Variants in PHF21A observed in about 807,000 individuals in gnomAD.
The protein encoded by PHF21A is PHD finger protein 21A, also known as BHC80a.
Under a neutral mutation model 82.5 loss-of-function variants are expected in PHF21A, and 11 were observed. The observed-to-expected ratio is 0.13, with a 90% confidence interval of 0.08 to 0.22. The LOEUF is 0.22. Among genes scored for constraint, PHF21A ranks in the 10% least tolerant of loss-of-function variants. The pLI is 1.00. For synonymous variants in PHF21A, 297 were observed against 302.8 expected (o/e 0.98, Z 0.20); for missense variants, 579 against 837.8 (o/e 0.69, Z 3.81).
intron 6 of PHF21A, among the ~76,000 whole-genome samples, chr11:45,991,557 TAC>T (rs200504325): frequency 4.0e-5 from 6 of 151,658 alleles, no homozygotes; most frequent in Non-Finnish European, 8.8e-5. Flanking sequence ...AGTAAGCTTA[TAC>T]ACACACACAC....
intron 6 of PHF21A, among the ~76,000 whole-genome samples, chr11:45,986,925 A>C (rs1379736969): frequency 1.3e-5 from 2 of 152,190 alleles, no homozygotes. Flanking sequence ...CCAAAAAGAA[A>C]GTACAATATC....
intron 6 of PHF21A, among the ~76,000 whole-genome samples, chr11:46,075,325 C>T (rs2096712725): frequency 6.6e-6 from 1 of 152,194 alleles, no homozygotes; most frequent in Non-Finnish European, 1.5e-5. Flanking sequence ...CCCCCAACCC[C>T]TACTCCACTA....
At chr11:46,076,010 T>C (rs1308639922) in intron 6 of PHF21A, among the ~76,000 whole-genome samples, 1 of 152,232 alleles carries the variant, frequency 6.6e-6, no homozygotes, top group Non-Finnish European at 1.5e-5. Context: ...CCACTCTTTC[T>C]AACCAGAGGG....
chr11:45,953,473 G>A, intron 11 of PHF21A, 54 bp downstream of exon 11: 2 of 1,089,706 alleles, frequency 1.8e-6, no homozygotes, highest in Non-Finnish European at 2.8e-6. Flanking sequence ...CCTGGTACAT[G>A]AGAATAAACC....
At chr11:46,001,703 T>TA (rs2095137272) in intron 6 of PHF21A, among the ~76,000 whole-genome samples, 1 of 152,328 alleles carries the variant, frequency 6.6e-6, no homozygotes, top group East Asian at 1.9e-4. Context: ...AGTTAACTGG[T>TA]ATGATAGGCC....
intron 6 of PHF21A, among the ~76,000 whole-genome samples, chr11:46,071,343 G>C (rs980268809): frequency 7.2e-5 from 11 of 152,292 alleles, no homozygotes; most frequent in Admixed American, 2.0e-4. Context: ...AGCCTGAAAG[G>C]CAAGTTCAGC....
At chr11:45,967,462 A>G (rs2135982768) in intron 9 of PHF21A, among the ~76,000 whole-genome samples, 1 of 152,128 alleles carries the variant, frequency 6.6e-6, no homozygotes, top group Middle Eastern at 3.4e-3. Flanking sequence ...GGTGACTCTC[A>G]TAACTTGGGC....
At chr11:46,036,827 AAAT>A (rs1360604121) in intron 6 of PHF21A, among the ~76,000 whole-genome samples, 1 of 152,190 alleles carries the variant, frequency 6.6e-6, no homozygotes, top group Admixed American at 6.5e-5. Flanking sequence ...GGTCATCTGC[AAAT>A]AATGATGATA....
chr11:46,114,100 C>A (rs2097258004), intron 1 of PHF21A, among the ~76,000 whole-genome samples: 1 of 150,348 alleles, frequency 6.7e-6, no homozygotes, highest in African/African-American at 2.4e-5. Flanking sequence ...CACACACACA[C>A]ACACGCACAC....
At chr11:46,029,641 T>A (rs1333082786) in intron 6 of PHF21A, among the ~76,000 whole-genome samples, 1 of 149,776 alleles carries the variant, frequency 6.7e-6, no homozygotes, top group Admixed American at 6.7e-5. Context: ...TGAGCCAAGA[T>A]CGTGCCACTG....
Position 45,971,257 on chromosome 11 carries a change from A to T in PHF21A, c.471T>A (p.Ala157=). The T allele has an allele frequency of 6.2e-7, 1 of 1,614,182 alleles. No homozygotes were observed. The highest frequency in any genetic ancestry group is 8.5e-7 in the Non-Finnish European group (1 of 1,180,034). Residue 157 remains alanine (A), a synonymous_variant, in exon 8 of 19, where the codon GCT becomes GCA. Transcript: ENST00000676320. ...ASVVGQRPTI[A]MVTAINSQKA... is the part of the protein sequence containing the mutation. Reference sequence around the variant, plus strand: ...TCTGACTGTTGATGGCGGTCACCATAGCAATGGTAGGTCTCTGGCCCACCA... The same window carrying T: ...TCTGACTGTTGATGGCGGTCACCATTGCAATGGTAGGTCTCTGGCCCACCA...
intron 6 of PHF21A, among the ~76,000 whole-genome samples, chr11:46,015,842 T>C (rs1466635168): frequency 6.6e-6 from 1 of 152,154 alleles, no homozygotes; most frequent in Non-Finnish European, 1.5e-5. Flanking sequence ...AACAATGCCT[T>C]CGTCTGAAAT....
At chr11:46,076,131 T>C (rs572064145) in intron 6 of PHF21A, among the ~76,000 whole-genome samples, 16 of 152,350 alleles carry the variant, frequency 1.1e-4, no homozygotes, top group African/African-American at 3.4e-4. Flanking sequence ...ACTGCCTGAA[T>C]TGGTAAAGTG....
intron 6 of PHF21A, among the ~76,000 whole-genome samples, chr11:46,023,041 G>A (rs10838542): frequency 0.11 from 17,249 of 152,168 alleles, 2,119 homozygotes; most frequent in East Asian, 0.6. Flanking sequence ...ATGAGCCACC[G>A]CGCCCGGCCT....
chr11:46,062,092 GT>G (rs557908783), intron 6 of PHF21A, among the ~76,000 whole-genome samples: 64 of 144,198 alleles, frequency 4.4e-4, no homozygotes, highest in South Asian at 1.3e-3. Context: ...TTTTTGTTTT[GT>G]TTTTTTTTTT....
At chr11:45,958,396 C>A (rs1476953051) in intron 10 of PHF21A, among the ~76,000 whole-genome samples, 8 of 1,066 alleles carry the variant, frequency 7.5e-3, no homozygotes, top group East Asian at 0.11. Flanking sequence ...AACCTGGTCT[C>A]AAAAAAAAAA....
intron 6 of PHF21A, among the ~76,000 whole-genome samples, chr11:46,043,866 G>C (rs1465575267): frequency 1.3e-5 from 2 of 152,140 alleles, no homozygotes; most frequent in Non-Finnish European, 2.9e-5. Context: ...TTTCAGACTT[G>C]AAGTTCCACA....
rs1348962355 is a variant in PHF21A, at chr11:46,108,833, T to C, written c.-237+12102A>G. Among the ~76,000 whole-genome samples, 6 of 152,292 alleles carry C rather than the reference T, an allele frequency of 3.9e-5. No homozygotes were observed. In the East Asian group the frequency reaches 1.2e-3, roughly 29 times the overall value. ...AAAAAAGTATTAAACTAACTTACAC[T>C]GTGCTTTATAAAGTGCCCAACTTCC... On this transcript the variant is annotated intron_variant, in intron 1 of 18. Transcript: ENST00000676320.
chr11:45,952,658 T>C (rs1173627211), intron 11 of PHF21A, among the ~76,000 whole-genome samples: 6 of 152,236 alleles, frequency 3.9e-5, no homozygotes, highest in Non-Finnish European at 7.3e-5. Flanking sequence ...AAGAATTACA[T>C]TTCGTACTTG....
Sources: allele counts gnomAD v4.1 joint callset (sites outside exome capture counted in the v4.1 genomes callset), GRCh38; gene constraint gnomAD v4.1.1; transcripts MANE v1.5; gene names NCBI Gene and HGNC (gene_info 2026-07-23, HGNC 2026-07-21).